Variants in COL4A6 observed in about 807,000 individuals in gnomAD.
COL4A6 encodes the protein collagen alpha-6(IV) chain.
A neutral mutation model predicts 126.7 loss-of-function variants in COL4A6; 59 were observed. That is an observed-to-expected ratio of 0.47 (90% CI 0.38 to 0.58). The LOEUF (loss-of-function observed/expected upper bound fraction) is 0.58. Among genes scored for constraint, COL4A6 ranks in the 20% least tolerant of loss-of-function variants. COL4A6 has a pLI of 0.00. For missense variants in COL4A6, 1,285 were observed against 1,337.3 expected (o/e 0.96, Z 0.61); for synonymous variants, 547 against 496.6 (o/e 1.10, Z -1.35).
intron 2 of COL4A6, among the ~76,000 whole-genome samples, chrX:108,351,440 C>CTGTGTG (rs574111228): frequency 0.091 from 8,812 of 97,223 alleles, 538 homozygotes; most frequent in East Asian, 0.36. Flanking sequence ...AACTCTCTCT[C>CTGTGTG]TCTGTGTGTG....
intron 13 of COL4A6, 59 bp downstream of exon 13, chrX:108,202,869 G>A (rs2035426191): frequency 1.0e-6 from 1 of 985,685 alleles, no homozygotes; most frequent in African/African-American, 1.9e-5. Flanking sequence ...GCCTTCTATT[G>A]CTACAGCTTT....
chrX:108,311,306 C>T (rs1365115015), intron 2 of COL4A6, among the ~76,000 whole-genome samples: 1 of 111,882 alleles, frequency 8.9e-6, no homozygotes, highest in Non-Finnish European at 1.9e-5. Context: ...TCCATTTCAG[C>T]ACACAATTCA....
intron 31 of COL4A6, 122 bp downstream of exon 31, chrX:108,174,317 GA>G: frequency 1.5e-6 from 1 of 679,784 alleles, no homozygotes; most frequent in East Asian, 3.4e-5. Flanking sequence ...AACTCTTTCT[GA>G]GGATGTCCTG....
At chrX:108,269,749 G>T (rs1018523798) in intron 3 of COL4A6, among the ~76,000 whole-genome samples, 5 of 111,977 alleles carry the variant, frequency 4.5e-5, no homozygotes, top group African/African-American at 1.6e-4. Flanking sequence ...ATCATGTGAC[G>T]TTTGGATTTT....
upstream of COL4A6, among the ~76,000 whole-genome samples, chrX:108,438,757 C>G (rs2064322010): frequency 8.9e-6 from 1 of 112,845 alleles, no homozygotes; most frequent in Non-Finnish European, 1.9e-5. Flanking sequence ...TGATAGTACA[C>G]TAGGCTATTG....
At chrX:108,351,889 C>A (rs2039856304) in intron 2 of COL4A6, among the ~76,000 whole-genome samples, 1 of 112,051 alleles carries the variant, frequency 8.9e-6, no homozygotes, top group African/African-American at 3.2e-5. Context: ...GATAGTGAAA[C>A]AAGATATCTA....
At chrX:108,311,602 C>T (rs1382319236) in intron 2 of COL4A6, among the ~76,000 whole-genome samples, 1 of 111,476 alleles carries the variant, frequency 9.0e-6, no homozygotes, top group Non-Finnish European at 1.9e-5. Flanking sequence ...CCTCTGCCCT[C>T]GCTGTTACTT....
chrX:108,298,827 G>A (rs971366291), intron 3 of COL4A6, among the ~76,000 whole-genome samples: 1 of 110,244 alleles, frequency 9.1e-6, no homozygotes, highest in Admixed American at 9.5e-5. Flanking sequence ...TTATGAAGGA[G>A]GAGGAAGAGG....
At chrX:108,172,248 G>C (rs1434271812) in intron 32 of COL4A6, among the ~76,000 whole-genome samples, 1 of 108,432 alleles carries the variant, frequency 9.2e-6, no homozygotes, top group East Asian at 2.9e-4. Context: ...TACTTAGGAA[G>C]CTGAGGCAGG....
At chrX:108,273,821 T>G (rs1019723404) in intron 3 of COL4A6, among the ~76,000 whole-genome samples, 7 of 112,383 alleles carry the variant, frequency 6.2e-5, no homozygotes, top group Non-Finnish European at 1.3e-4. Context: ...GTTTCAAATC[T>G]CAGCTTCAAT....
chrX:108,169,875 T>C, intron 36 of COL4A6, 70 bp downstream of exon 36: 1 of 1,022,545 alleles, frequency 9.8e-7, no homozygotes, highest in Non-Finnish European at 1.3e-6. Flanking sequence ...AGTCGAGAAT[T>C]CATGGCCAGC....
At position 108,282,377 on chromosome X, in the gene COL4A6, C is replaced by A. The variant is rs146548443; in HGVS notation, c.144+28371G>T. 1.5e-3 allele frequency among the ~76,000 whole-genome samples: 164 copies of A among 109,902 alleles called. 1 individual carries two copies. The highest frequency in any genetic ancestry group is 2.5e-3 in the Non-Finnish European group (131 of 52,652). On this transcript the variant is annotated intron_variant, in intron 3 of 44. Transcript: ENST00000334504. ...TTCTCAAAAGAAGACATTTATGCAG[C>A]CAAAAAACACATGAAAAAGTGCTCT...
chrX:108,223,505 T>C (rs750362220), intron 3 of COL4A6, among the ~76,000 whole-genome samples: 2 of 111,020 alleles, frequency 1.8e-5, no homozygotes, highest in East Asian at 5.7e-4. Context: ...GAGTTGGCAA[T>C]GGAGGGTTTG....
intron 3 of COL4A6, among the ~76,000 whole-genome samples, chrX:108,246,228 C>T (rs1163061820): frequency 5.4e-5 from 6 of 111,625 alleles, no homozygotes; most frequent in African/African-American, 2.0e-4. Flanking sequence ...CTTCAATATG[C>T]GATTAACAAT....
At chrX:108,305,145 G>T (rs748417532) in intron 3 of COL4A6, among the ~76,000 whole-genome samples, 1 of 111,949 alleles carries the variant, frequency 8.9e-6, no homozygotes, top group Non-Finnish European at 1.9e-5. Context: ...TCTTCCCAAA[G>T]AGGTGAAATC....
chrX:108,160,389 G>A (rs769865455), intron 43 of COL4A6, 74 bp downstream of exon 43: 297 of 1,011,453 alleles, frequency 2.9e-4, no homozygotes, highest in Admixed American at 8.4e-5. Flanking sequence ...GAAAGGGCTG[G>A]GAGAAGAGAG....
intron 3 of COL4A6, among the ~76,000 whole-genome samples, chrX:108,276,786 T>C (rs1337002182): frequency 8.9e-6 from 1 of 112,006 alleles, no homozygotes; most frequent in Non-Finnish European, 1.9e-5. Flanking sequence ...GCTGCTTGGC[T>C]GCTAGGTGGC....
chrX:108,258,790 T>C (rs886368604), intron 3 of COL4A6, among the ~76,000 whole-genome samples: 2 of 111,781 alleles, frequency 1.8e-5, no homozygotes. Context: ...ATTTAATAAA[T>C]AATAATGGTA....
intron 11 of COL4A6, 52 bp downstream of exon 11, chrX:108,205,387 A>T: frequency 1.0e-6 from 1 of 987,905 alleles, no homozygotes; most frequent in Non-Finnish European, 1.4e-6. Context: ...GTAATCAGAC[A>T]CATTTCTTGC....
Sources: gnomAD v4.1 joint callset for allele counts (sites outside exome capture counted in the v4.1 genomes callset) on GRCh38, gnomAD v4.1.1 for gene constraint, MANE v1.5 for transcripts, NCBI Gene and HGNC (gene_info 2026-07-23, HGNC 2026-07-21) for gene names.